COL5A3: variants seen among roughly 807,000 people sequenced by gnomAD.
The protein encoded by COL5A3 is collagen alpha-3(V) chain.
COL5A3 carries 172 observed loss-of-function variants against 250.0 expected under a neutral mutation model. That is an observed-to-expected ratio of 0.69 (90% confidence interval 0.61 to 0.78). The LOEUF (loss-of-function observed/expected upper bound fraction) is 0.78. COL5A3 is among the 30% of genes least tolerant of loss of function. The pLI, the probability that COL5A3 is intolerant of heterozygous loss-of-function variation, is 0.00. For missense variants in COL5A3, 2,340 were observed against 2,334.4 expected (o/e 1.00, Z -0.05); for synonymous variants, 937 against 900.4 (o/e 1.04, Z -0.73).
At position 9,972,908 on chromosome 19, in the gene COL5A3, C is replaced by T. The variant is rs2086873544; in HGVS notation, c.3774+11G>A. 3 of 1,595,292 alleles carry T rather than the reference C, an allele frequency of 1.9e-6. No homozygotes were observed. Among genetic ancestry groups the T allele is most frequent in the Non-Finnish European group, 2.6e-6 (3 of 1,170,602 alleles). On this transcript the variant is annotated intron_variant, in intron 51 of 66. Transcript: ENST00000264828. ...CTCCCATGTCTGCCCCCACTTCCCC[C>T]CAGGACTCACCACGCTCCCTTTGGC...
At chr19:9,993,106 A>G (rs1347785902) in intron 19 of COL5A3, 39 bp from the exon 20 acceptor site, 2 of 1,608,668 alleles carry the variant, frequency 1.2e-6, no homozygotes, top group Non-Finnish European at 1.7e-6. Context: ...AGGAAGGTAC[A>G]ACCCTCGGAG....
chr19:9,978,858 G>A, intron 40 of COL5A3, 33 bp downstream of exon 40: 1 of 1,304,404 alleles, frequency 7.7e-7, no homozygotes, highest in Non-Finnish European at 1.0e-6. Flanking sequence ...CCTTCTCTAA[G>A]GGACATGCAG....
In COL5A3 at chr19:9,968,258, A is replaced by C; in HGVS notation, c.4314+127T>G. 1 of 987,410 alleles carries C rather than the reference A, an allele frequency of 1.0e-6. No homozygotes were observed. The highest frequency in any genetic ancestry group is 2.5e-5 in the East Asian group (1 of 40,004). The allele number at this position is 987,410 out of a possible 1,614,324, so 61.2% of individuals were successfully genotyped here. A position where few individuals can be genotyped will look rare whatever the true frequency, so the allele number is the denominator to read the frequency against. On this transcript the variant is annotated intron_variant, in intron 59 of 66. Coordinates refer to ENST00000264828, the MANE Select transcript of COL5A3 (RefSeq NM_015719.4). The surrounding 1 kb of genome is among the most constrained non-coding windows in gnomAD (Gnocchi z 4.1). ...CTCCAACTTGCCAGTTCCCAGATAC[A>C]TCCCCCTATTTTCCCCACACACACC... is the stretch of plus-strand genomic sequence containing the variant.
At chr19:9,998,077 C>A (rs1412780463) in intron 9 of COL5A3, 25 bp downstream of exon 9, 5 of 1,613,950 alleles carry the variant, frequency 3.1e-6, no homozygotes, top group Non-Finnish European at 3.4e-6. Context: ...AGCCTCTCAA[C>A]CCCCTCACAA....
chr19:10,001,812 C>T lies in COL5A3; in HGVS notation c.919G>A (p.Val307Ile), dbSNP rs139370027. ...NLPPTPTPLV[V>I]TSTVTTGLNA... is the part of the protein sequence containing the mutation. ...AGTCCAGTAGTCACAGTGGAGGTGACGACCAAAGGCGTGGGGGTCGGAGGC... is the reference window on the plus strand; with the variant it reads ...AGTCCAGTAGTCACAGTGGAGGTGATGACCAAAGGCGTGGGGGTCGGAGGC... Residue 307 changes from valine to isoleucine, a missense_variant, in exon 7 of 67, where the codon GTC (valine) becomes ATC (isoleucine). By Grantham distance (29) the Val-to-Ile change is conservative. Transcript: ENST00000264828. The T allele has an allele frequency of 4.0e-5, 64 of 1,614,112 alleles. No individual in the cohort carries two copies. The African/African-American group carries it at 6.5e-4, about 16-fold the overall frequency.
At chr19:9,961,772 A>C (rs1010176522) in intron 65 of COL5A3, among the ~76,000 whole-genome samples, 3 of 151,848 alleles carry the variant, frequency 2.0e-5, no homozygotes, top group East Asian at 1.9e-4. Context: ...GTTAGCCAGG[A>C]TGGTCTCGAT....
intron 65 of COL5A3, among the ~76,000 whole-genome samples, chr19:9,962,365 C>T (rs59848316): frequency 0.15 from 22,263 of 152,168 alleles, 1,890 homozygotes; most frequent in South Asian, 0.25. Context: ...ACCTTGGCCT[C>T]CCAAAGTGCT....
chr19:9,967,707 T>C (rs1374479575), intron 61 of COL5A3, 197 bp downstream of exon 61: 1 of 572,766 alleles, frequency 1.7e-6, no homozygotes, highest in Non-Finnish European at 2.9e-6. Context: ...TAGCAGTTTG[T>C]AAAATAATGG....
chr19:9,974,410 TG>T lies in COL5A3; in HGVS notation c.3343-3del. The T allele has an allele frequency of 6.3e-7, 1 of 1,581,134 alleles. No individual in the cohort carries two copies. Among genetic ancestry groups the T allele is most frequent in the Non-Finnish European group, 8.6e-7 (1 of 1,166,902 alleles). ...GCGCCCCTGAGCCCCGTCTGCTCCC[TG>T]GAAGAACACAAACAGGGGCACATTT... is the stretch of plus-strand genomic sequence containing the variant. On this transcript the variant is annotated splice_region_variant and splice_polypyrimidine_tract_variant and intron_variant, in intron 45 of 66. Transcript: ENST00000264828.
chr19:9,982,065 C>A lies in COL5A3; in HGVS notation c.2460G>T (p.Ser820=). The A allele has an allele frequency of 6.2e-7, 1 of 1,610,216 alleles. No homozygotes were observed. Among genetic ancestry groups the A allele is most frequent in the Non-Finnish European group, 8.5e-7 (1 of 1,177,432 alleles). Residue 820 remains serine, a splice_region_variant and synonymous_variant, in exon 32 of 67, where the codon TCG becomes TCT. Coordinates refer to ENST00000264828, the MANE Select transcript of COL5A3 (RefSeq NM_015719.4). Reference sequence around the variant, plus strand: ...TCCCTTACCCCCGGTCATGACTCACCGACTTCCCTTTCTCTCCTATGGGTC... The same window carrying A: ...TCCCTTACCCCCGGTCATGACTCACAGACTTCCCTTTCTCTCCTATGGGTC... The part of the protein sequence containing the change: ...PLGPIGEKGK[S]GKTGQPGLEG...
chr19:9,970,606 G>T lies in COL5A3; in HGVS notation c.3936+16C>A, dbSNP rs1185031033. ...TGTAGATAAGCTGAGGACCCAGGAG[G>T]TGGCTTATCACTTACCCTCTTGCCG... is the stretch of plus-strand genomic sequence containing the variant. On this transcript the variant is annotated intron_variant, in intron 54 of 66. Transcript: ENST00000264828. 1.0e-5 allele frequency: 15 copies of T among 1,429,798 alleles called. 1 individual carries two copies. In the East Asian group the frequency reaches 4.0e-4, roughly 38 times the overall value. The allele number at this position is 1,429,798 out of a possible 1,614,324, so 88.6% of individuals were successfully genotyped here. A position where few individuals can be genotyped will look rare whatever the true frequency, so the allele number is the denominator to read the frequency against.
chr19:10,004,077 G>A lies in COL5A3; in HGVS notation c.663C>T (p.Leu221=). The A allele has an allele frequency of 6.2e-7, 1 of 1,614,046 alleles. No homozygotes were observed. Among genetic ancestry groups the A allele is most frequent in the Non-Finnish European group, 8.5e-7 (1 of 1,179,940 alleles). Residue 221 remains leucine, a synonymous_variant, in exon 5 of 67, where the codon CTC becomes CTT. Transcript: ENST00000264828. The part of the protein sequence containing the change: ...QAAFQACERY[L]PDCDNLAPAA... The stretch of plus-strand genomic sequence containing the variant: ...CCGGTGCCAGGTTGTCACAGTCGGG[G>A]AGGTACCGCTCACAAGCCTGGAAGG...
In COL5A3 at chr19:9,969,463, C is replaced by T. The variant is rs1030676878; in HGVS notation, c.4099-61G>A. On this transcript the variant is annotated intron_variant, in intron 56 of 66. Coordinates refer to ENST00000264828, the MANE Select transcript of COL5A3 (RefSeq NM_015719.4). Reference sequence around the variant, plus strand: ...CTGTCAGAACACAGTGTGGACCCCCCCCCGACCATGCACCAGGGGCAGCCC... The same window carrying T: ...CTGTCAGAACACAGTGTGGACCCCCTCCCGACCATGCACCAGGGGCAGCCC... 1.0e-5 allele frequency: 16 copies of T among 1,593,146 alleles called. No individual in the cohort carries two copies. In the African/African-American group the frequency reaches 1.4e-4, roughly 13 times the overall value.
At chr19:10,006,300 G>C (rs556739088) in intron 1 of COL5A3, 69 bp from the exon 2 acceptor site, 41 of 1,428,566 alleles carry the variant, frequency 2.9e-5, no homozygotes, top group Non-Finnish European at 3.6e-5. Flanking sequence ...CAGGACTCCA[G>C]GATAGAGGCT....
intron 62 of COL5A3, among the ~76,000 whole-genome samples, 187 bp from the exon 63 acceptor site, chr19:9,966,933 G>A (rs1224135346): frequency 2.6e-5 from 4 of 152,168 alleles, no homozygotes; most frequent in African/African-American, 7.2e-5. Context: ...ACAGGAAAGA[G>A]AGAGACAGAT....
chr19:9,969,461 C>A, intron 56 of COL5A3, 59 bp from the exon 57 acceptor site: 2 of 1,594,198 alleles, frequency 1.3e-6, no homozygotes, highest in East Asian at 2.2e-5. Context: ...GTGTGGACCC[C>A]CCCCCGACCA....
In COL5A3 at chr19:9,977,387, G is replaced by T; in HGVS notation, c.3212C>A (p.Pro1071His). The T allele has an allele frequency of 5.1e-6, 8 of 1,581,030 alleles. No homozygotes were observed. Among genetic ancestry groups the T allele is most frequent in the Non-Finnish European group, 4.3e-6 (5 of 1,160,218 alleles). The change falls in exon 43 of 67, where the codon CCT (proline) becomes CAT (histidine). Residue 1071 changes from proline to histidine, a missense_variant. Pro to His is a moderately conservative substitution (Grantham distance 77, BLOSUM62 -2). This residue lies in a region of COL5A3 where 1,179 missense variants were observed against 1,162.6 expected (regional missense o/e 1.01). Coordinates refer to ENST00000264828, the MANE Select transcript of COL5A3 (RefSeq NM_015719.4). ...GPLGPPGAAGPSGEEGDKGDV... is the reference protein window; with the variant it reads ...GPLGPPGAAGHSGEEGDKGDV... ...CACCTTGTCCCCTTCCTCGCCAGAA[G>T]GCCCAGCAGCTCCAGGGGGTCCCAG...
chr19:9,992,775 C>G, intron 21 of COL5A3, 52 bp downstream of exon 21: 3 of 1,588,478 alleles, frequency 1.9e-6, no homozygotes, highest in Non-Finnish European at 2.6e-6. Flanking sequence ...AGACCCTAAT[C>G]TCAAAACAAA....
chr19:9,987,317 A>G (rs2087114485), intron 27 of COL5A3, among the ~76,000 whole-genome samples: 1 of 152,230 alleles, frequency 6.6e-6, no homozygotes, highest in South Asian at 2.1e-4. Flanking sequence ...AATTCACTTG[A>G]TCACAATGTA....
Sources: gnomAD v4.1 joint callset for allele counts (sites outside exome capture counted in the v4.1 genomes callset) on GRCh38, gnomAD v4.1.1 for gene constraint, gnomAD v4.1.1 regional missense constraint, Gnocchi (gnomAD v3.1) non-coding constraint, MANE v1.5 for transcripts, NCBI Gene and HGNC (gene_info 2026-07-23, HGNC 2026-07-21) for gene names.